Variants in CHD2 observed in about 807,000 individuals in gnomAD.
CHD2 encodes the protein chromodomain helicase DNA binding protein 2, also known as ATP-dependent chromatin remodeler CHD2.
Under a neutral mutation model 243.9 loss-of-function variants are expected in CHD2, and 28 were observed. That is an observed-to-expected ratio of 0.11 (90% confidence interval 0.09 to 0.16). The LOEUF (loss-of-function observed/expected upper bound fraction) is 0.16. Among genes scored for constraint, CHD2 ranks in the 10% least tolerant of loss-of-function variants. CHD2 has a pLI of 1.00. For missense variants in CHD2, 1,386 were observed against 2,209.8 expected (o/e 0.63, Z 7.47); for synonymous variants, 775 against 779.0 (o/e 0.99, Z 0.09).
intron 10 of CHD2, chr15:92,945,409 T>TTG (rs2053448949): frequency 6.7e-6 from 1 of 149,996 alleles, no homozygotes; most frequent in Non-Finnish European, 1.5e-5. Flanking sequence ...TTTTTTTTTT[T>TTG]GAGATGGTGT....
In CHD2 at chr15:92,940,907, T is replaced by TAA. The variant is rs2053361765; in HGVS notation, c.693-914_693-913insAA. Among the ~76,000 whole-genome samples the TAA allele has an allele frequency of 1.1e-4, 10 of 90,816 alleles. No homozygotes were observed. The South Asian group carries it at 4.2e-3, about 38-fold the overall frequency. The allele number at this position is 90,816 out of a possible 152,430, so 59.6% of individuals were successfully genotyped here. ...ATATATATAAAAATATATATAAATA[T>TAA]ATATATAAATATACATATAAATATA... On this transcript the variant is annotated intron_variant, in intron 7 of 38. Transcript: ENST00000394196.
At chr15:92,982,329 GA>G (rs1265423630) in intron 24 of CHD2, among the ~76,000 whole-genome samples, 2 of 152,182 alleles carry the variant, frequency 1.3e-5, no homozygotes, top group Non-Finnish European at 2.9e-5. Flanking sequence ...TTGAGAAGTG[GA>G]AAAGATTTGG....
chr15:92,973,298 A>G (rs1396163311), intron 19 of CHD2, among the ~76,000 whole-genome samples: 1 of 152,010 alleles, frequency 6.6e-6, no homozygotes, highest in Non-Finnish European at 1.5e-5. Flanking sequence ...GCATAGTAAC[A>G]TTTTTCTAGG....
At chr15:93,003,957 G>A (rs575828255) in intron 33 of CHD2, among the ~76,000 whole-genome samples, 2 of 151,920 alleles carry the variant, frequency 1.3e-5, no homozygotes, top group Non-Finnish European at 2.9e-5. Flanking sequence ...AACCCCGTCT[G>A]TACTAAAAAT....
intron 17 of CHD2, 26 bp from the exon 18 acceptor site, chr15:92,971,739 A>G (rs1197327251): frequency 1.9e-6 from 3 of 1,602,004 alleles, no homozygotes; most frequent in Non-Finnish European, 2.6e-6. Flanking sequence ...TGTATCTAGT[A>G]GTATCATTAT....
chr15:93,002,131 A>G, intron 32 of CHD2, 46 bp from the exon 33 acceptor site: 1 of 1,566,802 alleles, frequency 6.4e-7, no homozygotes. Flanking sequence ...ACATAAGTAG[A>G]TATAAAATTT....
chr15:92,929,660 GA>G (rs2053129028), intron 5 of CHD2, among the ~76,000 whole-genome samples: 1 of 151,936 alleles, frequency 6.6e-6, no homozygotes, highest in Non-Finnish European at 1.5e-5. Context: ...GAAATTATTT[GA>G]TTTTTTTTGA....
rs199790677 is a variant in CHD2 at position 92,964,230 on chromosome 15, TC to T, written c.2001-3094del. On this transcript the variant is annotated intron_variant, in intron 16 of 38. Coordinates refer to ENST00000394196, the MANE Select transcript of CHD2 (RefSeq NM_001271.4). ...TGCAAGTTTTTTTCTGTGAAAGAGA[TC>T]TTTTTTTCTTTGAAAATTTTGTGTT... Among the ~76,000 whole-genome samples the T allele has an allele frequency of 2.0e-4, 12 of 59,222 alleles. No homozygotes were observed. In the South Asian group the frequency reaches 3.6e-3, roughly 18 times the overall value. 38.9% of individuals were successfully genotyped at this position (59,222 alleles called of 152,430 possible).
Position 92,996,949 on chromosome 15 carries a change from T to C in CHD2, c.3596-8T>C, listed in dbSNP as rs778443689. On this transcript the variant is annotated splice_polypyrimidine_tract_variant and splice_region_variant and intron_variant, in intron 28 of 38. Coordinates refer to ENST00000394196, the MANE Select transcript of CHD2 (RefSeq NM_001271.4). ...TCATTTAACTAATGTGAAACTGGTA[T>C]TTTTCAGGAAAAGGACCAGGGAAAA... 1 of 1,594,616 alleles carries C rather than the reference T, an allele frequency of 6.3e-7. No homozygotes were observed. The highest frequency in any genetic ancestry group is 8.5e-7 in the Non-Finnish European group (1 of 1,174,772).
At chr15:93,008,820 T>C (rs2054354878) in intron 34 of CHD2, among the ~76,000 whole-genome samples, 1 of 152,240 alleles carries the variant, frequency 6.6e-6, no homozygotes, top group African/African-American at 2.4e-5. Flanking sequence ...AGATTAGGTC[T>C]GTAATACTGC....
intron 26 of CHD2, among the ~76,000 whole-genome samples, chr15:92,987,472 A>G (rs915902124): frequency 6.6e-6 from 1 of 151,956 alleles, no homozygotes; most frequent in Non-Finnish European, 1.5e-5. Context: ...GTGGTGGTAC[A>G]CACCTGCAGT....
chr15:93,004,520 A>T, intron 33 of CHD2, 97 bp from the exon 34 acceptor site: 1 of 1,159,674 alleles, frequency 8.6e-7, no homozygotes, highest in Non-Finnish European at 1.2e-6. Flanking sequence ...AGACCATCAT[A>T]TTTACCCATT....
intron 17 of CHD2, 85 bp downstream of exon 17, chr15:92,967,598 G>GTTTTTT: frequency 1.6e-6 from 1 of 611,362 alleles, no homozygotes; most frequent in Non-Finnish European, 2.3e-6. Flanking sequence ...ATATACTTTT[G>GTTTTTT]TTTTTTTTTT....
In CHD2 at chr15:93,024,356, T is replaced by C. The variant is rs1567168483; in HGVS notation, c.5154-16T>C. ...TGGCTTCAGTCTTTCGACTAATCCTTGCATCTCTATTTCAGGCACCATCAT... is the reference window on the plus strand; with the variant it reads ...TGGCTTCAGTCTTTCGACTAATCCTCGCATCTCTATTTCAGGCACCATCAT... On this transcript the variant is annotated splice_polypyrimidine_tract_variant and intron_variant, in intron 38 of 38. Coordinates refer to ENST00000394196, the MANE Select transcript of CHD2 (RefSeq NM_001271.4). 3 of 1,605,150 alleles carry C rather than the reference T, an allele frequency of 1.9e-6. No homozygotes were observed. In the East Asian group the frequency reaches 6.7e-5, roughly 36 times the overall value.
Position 92,960,686 on chromosome 15 carries a change from A to AT in CHD2, c.2000+4042dup, listed in dbSNP as rs140291247. On this transcript the variant is annotated intron_variant, in intron 16 of 38. Coordinates refer to ENST00000394196, the MANE Select transcript of CHD2 (RefSeq NM_001271.4). ...TCAGTTGGCTAATATTTTGTTAAAG[A>AT]TTTTTGCATCTGTTTGGTGTTTTTT... 4.1e-3 allele frequency among the ~76,000 whole-genome samples: 321 copies of AT among 78,688 alleles called. 4 individuals carry two copies. The highest frequency in any genetic ancestry group is 0.013 in the African/African-American group (304 of 23,584). 51.6% of individuals were successfully genotyped at this position (78,688 alleles called of 152,430 possible).
chr15:93,018,555 A>G (rs2054491282), intron 37 of CHD2, among the ~76,000 whole-genome samples: 1 of 152,242 alleles, frequency 6.6e-6, no homozygotes. Flanking sequence ...GTATATAACA[A>G]AGTATCACAG....
intron 26 of CHD2, among the ~76,000 whole-genome samples, chr15:92,989,156 C>G (rs550052335): frequency 1.3e-5 from 2 of 151,452 alleles, no homozygotes; most frequent in Admixed American, 6.6e-5. Flanking sequence ...CTCAGCCTCC[C>G]GAGTAGCTGG....
In CHD2 at chr15:92,985,414, A is replaced by G. The variant is rs1163543936; in HGVS notation, c.3238-84A>G. ...TATGGTGAGAAGTTCTGAATACTAA[A>G]GAATTAAGATGGCCTTCTCTTAGTC... On this transcript the variant is annotated intron_variant, in intron 25 of 38. Transcript: ENST00000394196. The G allele has an allele frequency of 7.4e-6, 10 of 1,357,268 alleles. No individual in the cohort carries two copies. In the South Asian group the frequency reaches 1.4e-4, roughly 19 times the overall value. 84.1% of individuals were successfully genotyped at this position (1,357,268 alleles called of 1,614,324 possible).
chr15:92,925,241 G>A (rs2053036926), intron 3 of CHD2, among the ~76,000 whole-genome samples: 2 of 152,154 alleles, frequency 1.3e-5, no homozygotes, highest in Non-Finnish European at 2.9e-5. Flanking sequence ...AACTTCTAAG[G>A]AAGGCTCTTG....
Sources: allele counts gnomAD v4.1 joint callset (sites outside exome capture counted in the v4.1 genomes callset), GRCh38; gene constraint gnomAD v4.1.1; transcripts MANE v1.5; gene names NCBI Gene and HGNC (gene_info 2026-07-23, HGNC 2026-07-21).